The following TRPV3 variants were observed in gnomAD, a reference collection of about 807,000 sequenced individuals.
TRPV3 encodes VRL-3.
In TRPV3, 88 loss-of-function variants were observed where a neutral mutation model predicts 87.1. The ratio of observed to expected loss-of-function variants is 1.01; its 90% CI spans 0.85 to 1.21. The LOEUF (loss-of-function observed/expected upper bound fraction) is 1.21, where lower values mean the gene tolerates loss of function less well. Among genes scored for constraint, TRPV3 ranks in the 50% most tolerant of loss-of-function variants. The probability of loss-of-function intolerance (pLI) is 0.00; values close to 1 mark genes in which losing one functional copy is unlikely to be tolerated. For synonymous variants in TRPV3, 438 were observed against 423.3 expected, an observed-to-expected ratio of 1.03 and a Z score of -0.43; for missense variants, 1,054 against 1,030.1, an observed-to-expected ratio of 1.02 and a Z score of -0.32.
In TRPV3 at chr17:3,518,910, T is replaced by A; in HGVS notation, c.1811-60A>T. Reference sequence around the variant, plus strand: ...TCTGCCTGGTAATTACTCTACAAGCTTGCGTGTATTTGCCTACATGACAAG... The same window carrying A: ...TCTGCCTGGTAATTACTCTACAAGCATGCGTGTATTTGCCTACATGACAAG... On this transcript the variant is annotated intron_variant, in intron 14 of 17. Transcript: ENST00000576742. The surrounding 1 kb of genome is among the most constrained non-coding windows in gnomAD (Gnocchi z 4.3). 1 of 1,534,718 alleles carries A rather than the reference T, an allele frequency of 6.5e-7. No individual in the cohort carries two copies. The highest frequency in any genetic ancestry group is 1.4e-5 in the African/African-American group (1 of 73,274).
At chr17:3,551,914 G>T (rs1346133013) in intron 2 of TRPV3, among the ~76,000 whole-genome samples, 1 of 70,916 alleles carries the variant, frequency 1.4e-5, no homozygotes, top group Admixed American at 2.3e-4. Context: ...ATGGAATCTT[G>T]CTATGTCACC....
intron 7 of TRPV3, among the ~76,000 whole-genome samples, chr17:3,534,214 AG>A (rs1211992983): frequency 1.3e-5 from 2 of 152,094 alleles, no homozygotes; most frequent in African/African-American, 4.8e-5. Context: ...CTGGACACGC[AG>A]GGCTGCCCAG....
At chr17:3,544,475 G>C (rs2074503118) in intron 4 of TRPV3, 104 bp downstream of exon 4, 1 of 697,804 alleles carries the variant, frequency 1.4e-6, no homozygotes, top group African/African-American at 1.8e-5. Flanking sequence ...CCAATCCCCA[G>C]GAATGGTGGA....
rs368097725 is a variant in TRPV3 at position 3,554,701 on chromosome 17, G to A, written c.119+31C>T. 125 of 1,489,344 alleles carry A rather than the reference G, an allele frequency of 8.4e-5. No homozygotes were observed. In the Middle Eastern group the frequency reaches 1.2e-3, roughly 14 times the overall value. The allele number at this position is 1,489,344 out of a possible 1,614,324, so 92.3% of individuals were successfully genotyped here. A position where few individuals can be genotyped will look rare whatever the true frequency, so the allele number is the denominator to read the frequency against. ...CCCCACTCGTGCCCCTCACAGTGCC[G>A]CAGTCCGTGTCCCGAGCTCTCCAAA... On this transcript the variant is annotated intron_variant, in intron 2 of 17. Coordinates refer to ENST00000576742, the MANE Select transcript of TRPV3 (RefSeq NM_145068.4).
intron 8 of TRPV3, among the ~76,000 whole-genome samples, chr17:3,531,810 C>G (rs939129741): frequency 5.3e-5 from 8 of 152,216 alleles, no homozygotes; most frequent in Non-Finnish European, 1.2e-4. Flanking sequence ...CCTCCTCCCC[C>G]ACGGGAGAAT....
At position 3,525,914 on chromosome 17, in the gene TRPV3, C is replaced by A. The variant is rs138294909; in HGVS notation, c.1577+940G>T. Among the ~76,000 whole-genome samples, 44 of 152,148 alleles carry A rather than the reference C, an allele frequency of 2.9e-4. No homozygotes were observed. In the East Asian group the frequency reaches 8.1e-3, roughly 28 times the overall value. On this transcript the variant is annotated intron_variant, in intron 12 of 17. Transcript: ENST00000576742. The stretch of plus-strand genomic sequence containing the variant: ...ACAAGCATGACCCATCGTGCCCGGC[C>A]CACAGTTAAAATGTTTTTAAGTATA...
chr17:3,535,309 T>G, intron 7 of TRPV3, among the ~76,000 whole-genome samples: 1 of 100,378 alleles, frequency 1.0e-5, no homozygotes. Context: ...TGCTTCCCTC[T>G]TCCTTTCTCC....
At position 3,544,559 on chromosome 17, in the gene TRPV3, A is replaced by G. The variant is rs1293133782; in HGVS notation, c.311+20T>C. ...CAGCCTGGGTGGGCACAGTGGGTGG[A>G]GGGGGAGGGGCAGACTTACCTGGGG... On this transcript the variant is annotated intron_variant, in intron 4 of 17. Transcript: ENST00000576742. 1.3e-6 allele frequency: 2 copies of G among 1,523,932 alleles called. No homozygotes were observed. Among genetic ancestry groups the G allele is most frequent in the Non-Finnish European group, 1.8e-6 (2 of 1,112,154 alleles). The allele number at this position is 1,523,932 out of a possible 1,614,324, so 94.4% of individuals were successfully genotyped here. A position where few individuals can be genotyped will look rare whatever the true frequency, so the allele number is the denominator to read the frequency against.
intron 12 of TRPV3, among the ~76,000 whole-genome samples, chr17:3,525,261 C>T (rs974312759): frequency 2.0e-5 from 3 of 152,190 alleles, no homozygotes; most frequent in Non-Finnish European, 1.5e-5. Context: ...CTCAGGTGAT[C>T]CACCCACCTC....
chr17:3,541,575 G>T (rs1181255656), intron 6 of TRPV3, among the ~76,000 whole-genome samples: 2 of 152,156 alleles, frequency 1.3e-5, no homozygotes, highest in African/African-American at 4.8e-5. Flanking sequence ...TCCCAAATTT[G>T]CTCTCCCAGC....
In TRPV3 at chr17:3,528,866, C is replaced by G. The variant is rs767698239; in HGVS notation, c.1372G>C (p.Val458Leu). 1 of 1,614,136 alleles carries G rather than the reference C, an allele frequency of 6.2e-7. No homozygotes were observed. Among genetic ancestry groups the G allele is most frequent in the South Asian group, 1.1e-5 (1 of 91,074 alleles). Residue 458 changes from valine (V) to leucine (L), a missense_variant, in exon 10 of 18, where the codon GTC becomes CTC. By Grantham distance (32) the Val-to-Leu change is conservative (BLOSUM62 1). Coordinates refer to ENST00000576742, the MANE Select transcript of TRPV3 (RefSeq NM_145068.4). The surrounding 1 kb of genome is among the most constrained non-coding windows in gnomAD (Gnocchi z 4.2). ...TCCTCCCGGGGGCGGTAGTACGAGA[C>G]GAGGGTCAGGGTGATGTTGTAGAAG... ...YFFYNITLTL[V>L]SYYRPREEEA... is the part of the protein sequence containing the mutation.
intron 2 of TRPV3, among the ~76,000 whole-genome samples, chr17:3,547,715 G>A (rs942839497): frequency 3.3e-5 from 5 of 152,172 alleles, no homozygotes; most frequent in Non-Finnish European, 7.4e-5. Flanking sequence ...TCAGGCGGTG[G>A]AGGGGGGCAG....
rs1359974984 is a variant in TRPV3 at position 3,532,910 on chromosome 17, C to T, written c.812G>A (p.Cys271Tyr). 1 of 1,614,140 alleles carries T rather than the reference C, an allele frequency of 6.2e-7. No individual in the cohort carries two copies. Residue 271 changes from cysteine (C) to tyrosine (Y), a missense_variant, in exon 8 of 18, where the codon TGC (cysteine) becomes TAC (tyrosine). Transcript: ENST00000576742. ...CTGCACAATCTCGGGCTGGTTGGTG[C>T]ATGCTGCCAGGGCCAGGGGCGTCTC... ...FGETPLALAA[C>Y]TNQPEIVQLL...
intron 2 of TRPV3, among the ~76,000 whole-genome samples, chr17:3,547,370 C>T (rs1206722830): frequency 6.6e-6 from 1 of 152,168 alleles, no homozygotes; most frequent in Non-Finnish European, 1.5e-5. Context: ...TCTGTAATCC[C>T]AGCACTTTGA....
At chr17:3,519,704 AGATGGATG>A (rs145819534) in intron 14 of TRPV3, among the ~76,000 whole-genome samples, 27,744 of 85,760 alleles carry the variant, frequency 0.32, 4,410 homozygotes, top group Non-Finnish European at 0.41. Flanking sequence ...ATGGATGGAT[AGATGGATG>A]GATGGATGGA....
chr17:3,554,898 G>A, intron 1 of TRPV3, 46 bp from the exon 2 acceptor site: 1 of 1,374,282 alleles, frequency 7.3e-7, no homozygotes, highest in South Asian at 1.3e-5. Context: ...GGGGACAGGG[G>A]GAGCTTCAGG....
intron 6 of TRPV3, chr17:3,539,509 G>A (rs2074439957): frequency 6.6e-6 from 1 of 152,034 alleles, no homozygotes; most frequent in African/African-American, 2.4e-5. Flanking sequence ...AAAATTAGCT[G>A]GGCGGGGTGG....
chr17:3,545,369 CA>C, intron 2 of TRPV3, 98 bp from the exon 3 acceptor site: 1 of 881,334 alleles, frequency 1.1e-6, no homozygotes, highest in South Asian at 1.7e-5. Flanking sequence ...CCATGCTGAG[CA>C]CACACCCTGG....
rs771481748 is a variant in TRPV3 at position 3,528,949 on chromosome 17, T to G, written c.1289A>C (p.His430Pro). Residue 430 changes from histidine (H) to proline (P), a missense_variant, in exon 10 of 18, where the codon CAT (histidine) becomes CCT (proline). His to Pro is a moderately conservative substitution (Grantham distance 77, BLOSUM62 -2). Coordinates refer to ENST00000576742, the MANE Select transcript of TRPV3 (RefSeq NM_145068.4). This position sits in a 1 kb window ranked among gnomAD's most constrained non-coding sequence, Gnocchi z 4.2. ...LTLEPLHTLL[H>P]MKWKKFAKHM... ...CTTGGCAAACTTCTTCCACTTCATA[T>G]GCAGCAGCGTGTGCAGCGGCTCCAG... 2.5e-6 allele frequency: 4 copies of G among 1,614,242 alleles called. No homozygotes were observed. Among genetic ancestry groups the G allele is most frequent in the East Asian group, 4.5e-5 (2 of 44,892 alleles).
Sources: allele counts gnomAD v4.1 joint callset (sites outside exome capture counted in the v4.1 genomes callset), GRCh38; gene constraint gnomAD v4.1.1; non-coding constraint Gnocchi (gnomAD v3.1); transcripts MANE v1.5; gene names NCBI Gene and HGNC (gene_info 2026-07-23, HGNC 2026-07-21).